Variants in PAXIP1 observed in about 807,000 individuals in gnomAD.
PAXIP1 encodes PAX-interacting protein 1.
A neutral mutation model predicts 140.6 loss-of-function variants in PAXIP1; 19 were observed. That is an observed-to-expected ratio of 0.14 (90% CI 0.09 to 0.20). The LOEUF (loss-of-function observed/expected upper bound fraction) is 0.20. Ranked by LOEUF, PAXIP1 falls within the 10% of genes least tolerant of loss-of-function variation. The pLI, the probability that PAXIP1 is intolerant of heterozygous loss-of-function variation, is 1.00. For synonymous variants in PAXIP1, 442 were observed against 444.6 expected (o/e 0.99, Z 0.07); for missense variants, 920 against 1,208.6 (o/e 0.76, Z 3.54).
chr7:154,963,037 G>T lies in PAXIP1; in HGVS notation c.1990-579C>A, dbSNP rs968379409. ...TATTGAGGAGAAAGCCTGCACCCCG[G>T]TAGTTTTAGAAAAGCTCTGTAAGGG... On this transcript the variant is annotated intron_variant, in intron 9 of 20. Transcript: ENST00000404141. This position sits in a 1 kb window ranked among gnomAD's most constrained non-coding sequence, Gnocchi z 4.1. Among the ~76,000 whole-genome samples the T allele has an allele frequency of 4.6e-5, 7 of 152,270 alleles. No individual in the cohort carries two copies. The highest frequency in any genetic ancestry group is 8.8e-5 in the Non-Finnish European group (6 of 68,020).
intron 8 of PAXIP1, among the ~76,000 whole-genome samples, chr7:154,965,890 A>G (rs1808992075): frequency 6.6e-6 from 1 of 152,132 alleles, no homozygotes; most frequent in Non-Finnish European, 1.5e-5. Context: ...TCAGCGGTAC[A>G]TGTCTCTCCT....
intron 5 of PAXIP1, among the ~76,000 whole-genome samples, chr7:154,980,613 T>G (rs978343959): frequency 6.6e-6 from 1 of 152,030 alleles, no homozygotes; most frequent in Non-Finnish European, 1.5e-5. Flanking sequence ...GGGGTCTCAC[T>G]TTGTTGCCCA....
intron 11 of PAXIP1, 133 bp from the exon 12 acceptor site, chr7:154,961,210 T>C: frequency 1.4e-6 from 1 of 717,318 alleles, no homozygotes; most frequent in Non-Finnish European, 2.2e-6. Flanking sequence ...CCTAGCAAAG[T>C]TGAGGGTGAC....
In PAXIP1 at chr7:154,972,018, G is replaced by C. The variant is rs773737147; in HGVS notation, c.1075-2892C>G. Among the ~76,000 whole-genome samples the C allele has an allele frequency of 8.5e-5, 13 of 152,144 alleles. No individual in the cohort carries two copies. The East Asian group carries it at 2.3e-3, about 27-fold the overall frequency. On this transcript the variant is annotated intron_variant, in intron 6 of 20. Coordinates refer to ENST00000404141, the MANE Select transcript of PAXIP1 (RefSeq NM_007349.4). The stretch of plus-strand genomic sequence containing the variant: ...GAGCCTTCTCAGTTTTCCACCGCTA[G>C]AGCACACAGCTGAGTATATCAAATT...
chr7:155,002,748 G>T, intron 1 of PAXIP1, 101 bp downstream of exon 1: 3 of 611,240 alleles, frequency 4.9e-6, no homozygotes, highest in Non-Finnish European at 6.7e-6. Context: ...GACGCTCTGC[G>T]CCCGGCGCGC....
intron 2 of PAXIP1, among the ~76,000 whole-genome samples, chr7:154,996,972 G>A (rs575015572): frequency 1.1e-4 from 17 of 152,268 alleles, no homozygotes; most frequent in African/African-American, 2.9e-4. Flanking sequence ...ATGCAAAGCC[G>A]CTTTACTGAG....
At chr7:154,961,416 C>A in intron 11 of PAXIP1, 111 bp downstream of exon 11, 1 of 877,290 alleles carries the variant, frequency 1.1e-6, no homozygotes. Context: ...CTTTGATTTC[C>A]ACAAATTTCT....
At chr7:154,960,792 G>C in intron 12 of PAXIP1, 101 bp downstream of exon 12, 2 of 791,088 alleles carry the variant, frequency 2.5e-6, no homozygotes, top group Non-Finnish European at 3.7e-6. Flanking sequence ...TAATTAGAAA[G>C]CTCAAGCCAG....
At chr7:154,960,304 C>T (rs1029801217) in intron 12 of PAXIP1, among the ~76,000 whole-genome samples, 60 of 152,150 alleles carry the variant, frequency 3.9e-4, no homozygotes, top group African/African-American at 1.4e-3. Context: ...CAGGCACAAA[C>T]CTTCTTGCCT....
In PAXIP1 at chr7:155,002,905, G is replaced by A. The variant is rs756529781; in HGVS notation, c.25C>T (p.Pro9Ser). 1 of 1,382,662 alleles carries A rather than the reference G, an allele frequency of 7.2e-7. No individual in the cohort carries two copies. The highest frequency in any genetic ancestry group is 9.6e-7 in the Non-Finnish European group (1 of 1,044,836). 85.6% of individuals were successfully genotyped at this position (1,382,662 alleles called of 1,614,324 possible). MSDQAPKV[P>S]EEMFREVKYY... Reference sequence around the variant, plus strand: ...TTGACCTCCCTGAACATCTCCTCAGGAACTTTGGGCGCCTGGTCCGACATG... The same window carrying A: ...TTGACCTCCCTGAACATCTCCTCAGAAACTTTGGGCGCCTGGTCCGACATG... Residue 9 changes from proline (P) to serine (S), a missense_variant, in exon 1 of 21, where the codon CCT becomes TCT. By Grantham distance (74) the Pro-to-Ser change is moderately conservative. Transcript: ENST00000404141.
chr7:154,969,332 T>C (rs1012530664), intron 6 of PAXIP1, among the ~76,000 whole-genome samples: 3 of 152,260 alleles, frequency 2.0e-5, no homozygotes, highest in Non-Finnish European at 4.4e-5. Flanking sequence ...AATTCATATA[T>C]TGAGACCACC....
At chr7:154,989,410 T>C (rs1158158197) in intron 4 of PAXIP1, among the ~76,000 whole-genome samples, 1 of 152,192 alleles carries the variant, frequency 6.6e-6, no homozygotes, top group Non-Finnish European at 1.5e-5. Context: ...AATGTGCCCT[T>C]TTCTCAAAGG....
At chr7:154,988,121 C>T (rs1810158354) in intron 4 of PAXIP1, among the ~76,000 whole-genome samples, 1 of 152,222 alleles carries the variant, frequency 6.6e-6, no homozygotes, top group African/African-American at 2.4e-5. Flanking sequence ...TATCCATCTA[C>T]CTGCCTGACC....
At chr7:154,968,320 T>A in intron 7 of PAXIP1, 83 bp downstream of exon 7, 1 of 1,151,822 alleles carries the variant, frequency 8.7e-7, no homozygotes, top group Non-Finnish European at 1.2e-6. Flanking sequence ...ATATGAATCC[T>A]CACCCCACAC....
In PAXIP1 at chr7:154,967,927, TAAGAAA is replaced by T. The variant is rs1201381398; in HGVS notation, c.1799-23_1799-18del. 1.3e-6 allele frequency: 2 copies of T among 1,565,566 alleles called. No homozygotes were observed. The highest frequency in any genetic ancestry group is 1.8e-6 in the Non-Finnish European group (2 of 1,142,684). ...CTTCTGGAACTAGAGTAAAATTACA[TAAGAAA>T]AAGAAAATTAAAACCCTATGAATAT... On this transcript the variant is annotated intron_variant, in intron 7 of 20. Transcript: ENST00000404141.
chr7:155,001,670 G>A (rs1176084371), intron 1 of PAXIP1: 1 of 152,154 alleles, frequency 6.6e-6, no homozygotes, highest in Non-Finnish European at 1.5e-5. Flanking sequence ...GCTAATTTTT[G>A]TATTTTTAGT....
At chr7:154,953,928 G>T (rs1051031606) in intron 16 of PAXIP1, among the ~76,000 whole-genome samples, 1 of 151,772 alleles carries the variant, frequency 6.6e-6, no homozygotes, top group Non-Finnish European at 1.5e-5. Flanking sequence ...TCCAAATAAA[G>T]AAAAAAATAC....
intron 3 of PAXIP1, among the ~76,000 whole-genome samples, chr7:154,993,215 A>G (rs1810427762): frequency 6.6e-6 from 1 of 152,168 alleles, no homozygotes; most frequent in South Asian, 2.1e-4. Context: ...TGAACGAACA[A>G]TGCAAGCAAG....
chr7:154,973,609 GTAC>G lies in PAXIP1; in HGVS notation c.1074+2084_1074+2086del, dbSNP rs1168116778. Among the ~76,000 whole-genome samples, 2 of 152,114 alleles carry G rather than the reference GTAC, an allele frequency of 1.3e-5. No individual in the cohort carries two copies. Among genetic ancestry groups the G allele is most frequent in the Non-Finnish European group, 2.9e-5 (2 of 68,010 alleles). On this transcript the variant is annotated intron_variant, in intron 6 of 20. Coordinates refer to ENST00000404141, the MANE Select transcript of PAXIP1 (RefSeq NM_007349.4). The surrounding 1 kb of genome is among the most constrained non-coding windows in gnomAD (Gnocchi z 4.0). ...CCGCTGTCATCATCCCAAGAACCGTGTACTACTAATACTCGCTGCTTAGGTGGA... is the reference window on the plus strand; with the variant it reads ...CCGCTGTCATCATCCCAAGAACCGTGTACTAATACTCGCTGCTTAGGTGGA...
Sources: gnomAD v4.1 joint callset for allele counts (sites outside exome capture counted in the v4.1 genomes callset) on GRCh38, gnomAD v4.1.1 for gene constraint, Gnocchi (gnomAD v3.1) non-coding constraint, MANE v1.5 for transcripts, NCBI Gene and HGNC (gene_info 2026-07-23, HGNC 2026-07-21) for gene names.